The following PADI4 variants were observed in gnomAD, a reference collection of about 807,000 sequenced individuals.
The protein encoded by PADI4 is peptidyl arginine deiminase 4, also known as protein-arginine deiminase type-4.
Under a neutral mutation model 75.0 loss-of-function variants are expected in PADI4, and 62 were observed. That is an observed-to-expected ratio of 0.83 (90% CI 0.67 to 1.02). The LOEUF is 1.02. PADI4 is among the 50% of genes least tolerant of loss of function. PADI4 has a pLI of 0.00. For synonymous variants in PADI4, 361 were observed against 348.1 expected, an observed-to-expected ratio of 1.04 and a Z score of -0.41; for missense variants, 845 against 850.5, an observed-to-expected ratio of 0.99 and a Z score of 0.08.
rs1748033 is a variant in PADI4, at chr1:17,336,167, T to G, written c.349T>G (p.Leu117Val). ...LLYLTGVEIS[L>V]CADITRTGKV... is the part of the protein sequence containing the mutation. ...ACTTGATGGGATTTCAGAAATCTCCTTGTGCGCAGACATCACCCGCACCGG... is the reference window on the plus strand; with the variant it reads ...ACTTGATGGGATTTCAGAAATCTCCGTGTGCGCAGACATCACCCGCACCGG... The change falls in exon 4 of 16, where the codon TTG becomes GTG. Residue 117 changes from leucine to valine, a missense_variant. By Grantham distance (32) the Leu-to-Val change is conservative. Transcript: ENST00000375448. 6.2e-7 allele frequency: 1 copy of G among 1,611,452 alleles called. No individual in the cohort carries two copies. Among genetic ancestry groups the G allele is most frequent in the South Asian group, 1.1e-5 (1 of 91,044 alleles).
At chr1:17,360,585 C>T (rs775157497) in intron 15 of PADI4, among the ~76,000 whole-genome samples, 1 of 152,190 alleles carries the variant, frequency 6.6e-6, no homozygotes, top group Non-Finnish European at 1.5e-5. Context: ...CACAACAATT[C>T]CAGAAGTCAG....
At position 17,359,320 on chromosome 1, in the gene PADI4, TG is replaced by T. The variant is rs1288708773; in HGVS notation, c.1673del (p.Gly558AlafsTer30). 11 of 1,602,052 alleles carry T rather than the reference TG, an allele frequency of 6.9e-6. No individual in the cohort carries two copies. Among genetic ancestry groups the T allele is most frequent in the Non-Finnish European group, 8.5e-6 (10 of 1,173,194 alleles). On this transcript the variant is annotated frameshift_variant, in exon 15 of 16. Transcript: ENST00000375448. LOFTEE classifies it high-confidence loss of function. ...AACCGCGAGCTGCTGAAGCGGGAGC[TG>T]GGCCTGGCCGAGAGTGACATCATTG... ...DWNRELLKRELGLAESDIIDI... is the reference protein window; with the variant it reads ...DWNRELLKREXGLAESDIIDI...
At chr1:17,332,095 T>G (rs1182328379) in intron 2 of PADI4, among the ~76,000 whole-genome samples, 1 of 152,132 alleles carries the variant, frequency 6.6e-6, no homozygotes, top group Non-Finnish European at 1.5e-5. Flanking sequence ...GTCAGCAGTC[T>G]GATCTGTGGC....
chr1:17,341,469 A>T (rs1028892542), intron 6 of PADI4, among the ~76,000 whole-genome samples: 1 of 152,174 alleles, frequency 6.6e-6, no homozygotes, highest in Non-Finnish European at 1.5e-5. Context: ...CCACCCAGGC[A>T]TCACCTCCTC....
intron 1 of PADI4, among the ~76,000 whole-genome samples, chr1:17,318,932 C>T (rs1266092047): frequency 6.6e-6 from 1 of 152,108 alleles, no homozygotes; most frequent in Non-Finnish European, 1.5e-5. Flanking sequence ...TTGTGATCCA[C>T]CCGCCTCGGC....
rs2074758125 is a variant in PADI4, at chr1:17,356,258, T to G, written c.1456-99T>G. ...ATGGCAGTAGAGGAGGTGGCCAGCT[T>G]GGGTCCAAGTCCACACTACTCCCAC... On this transcript the variant is annotated intron_variant, in intron 12 of 15. Coordinates refer to ENST00000375448, the MANE Select transcript of PADI4 (RefSeq NM_012387.3). This position sits in a 1 kb window ranked among gnomAD's most constrained non-coding sequence, Gnocchi z 4.1. 1 of 1,292,490 alleles carries G rather than the reference T, an allele frequency of 7.7e-7. No individual in the cohort carries two copies. Among genetic ancestry groups the G allele is most frequent in the Admixed American group, 2.2e-5 (1 of 45,178 alleles). The allele number at this position is 1,292,490 out of a possible 1,614,324, so 80.1% of individuals were successfully genotyped here. A position where few individuals can be genotyped will look rare whatever the true frequency, so the allele number is the denominator to read the frequency against.
At chr1:17,338,502 G>C (rs1182930632) in intron 5 of PADI4, among the ~76,000 whole-genome samples, 1 of 152,284 alleles carries the variant, frequency 6.6e-6, no homozygotes, top group Non-Finnish European at 1.5e-5. Context: ...ACTCATATCA[G>C]AGCAGGCCCT....
intron 3 of PADI4, chr1:17,334,250 T>G: frequency 1.9e-6 from 1 of 518,946 alleles, no homozygotes; most frequent in Non-Finnish European, 3.6e-6. Flanking sequence ...ATCTTAACAT[T>G]TTGCTTCTCA....
Position 17,348,021 on chromosome 1 carries a change from G to A in PADI4, c.1128G>A (p.Leu376=). ...VVFDSPRNRG[L]KEFPIKRVMG... The stretch of plus-strand genomic sequence containing the variant: ...TCGACTCTCCAAGGAACAGAGGCCT[G>A]AAGGAGTTTCCCATCAAACGCGTGA... The change falls in exon 10 of 16, where the codon CTG becomes CTA. Residue 376 remains leucine, a synonymous_variant. Transcript: ENST00000375448. 1 of 1,612,636 alleles carries A rather than the reference G, an allele frequency of 6.2e-7. No homozygotes were observed.
At chr1:17,351,950 G>GGCA (rs2074638048) in intron 10 of PADI4, among the ~76,000 whole-genome samples, 1 of 141,326 alleles carries the variant, frequency 7.1e-6, no homozygotes, top group African/African-American at 2.9e-5. Context: ...GGTGATGGGA[G>GGCA]GTGGGAGGAG....
At chr1:17,334,529 C>G in intron 3 of PADI4, 1 of 451,918 alleles carries the variant, frequency 2.2e-6, no homozygotes, top group Non-Finnish European at 4.5e-6. Flanking sequence ...TCTCGAACTT[C>G]TGACCTCAGG....
chr1:17,319,543 A>T (rs1189665128), intron 1 of PADI4, among the ~76,000 whole-genome samples: 1 of 152,188 alleles, frequency 6.6e-6, no homozygotes, highest in African/African-American at 2.4e-5. Context: ...AGAGAGAGAC[A>T]TTCAAAGACA....
At chr1:17,342,576 C>T (rs2074442970) in intron 8 of PADI4, among the ~76,000 whole-genome samples, 174 bp downstream of exon 8, 1 of 152,192 alleles carries the variant, frequency 6.6e-6, no homozygotes, top group Non-Finnish European at 1.5e-5. Context: ...TTGTCATTGC[C>T]TCTGTCCTGC....
chr1:17,353,284 C>T (rs893372935), intron 10 of PADI4, among the ~76,000 whole-genome samples: 1 of 152,008 alleles, frequency 6.6e-6, no homozygotes, highest in Non-Finnish European at 1.5e-5. Flanking sequence ...CATAGTGAGA[C>T]CCCATCTCTA....
At chr1:17,313,697 C>T (rs2073885680) in intron 1 of PADI4, among the ~76,000 whole-genome samples, 1 of 151,994 alleles carries the variant, frequency 6.6e-6, no homozygotes, top group Admixed American at 6.6e-5. Flanking sequence ...GAGTGGCAGA[C>T]ACTGAATGCC....
Position 17,358,533 on chromosome 1 carries a change from A to C in PADI4, c.1559-305A>C, listed in dbSNP as rs1476530764. Among the ~76,000 whole-genome samples, 2 of 40,462 alleles carry C rather than the reference A, an allele frequency of 4.9e-5. 1 individual carries two copies. Among genetic ancestry groups the C allele is most frequent in the Non-Finnish European group, 8.9e-5 (2 of 22,438 alleles). The allele number at this position is 40,462 out of a possible 152,430, so 26.5% of individuals were successfully genotyped here. ...CAGTGAGCCGAGATTGCGCCACTGC[A>C]CTCCAGCCTGGACGACAGCGAGACT... On this transcript the variant is annotated intron_variant, in intron 13 of 15. Coordinates refer to ENST00000375448, the MANE Select transcript of PADI4 (RefSeq NM_012387.3).
chr1:17,336,054 G>C, intron 3 of PADI4, 105 bp from the exon 4 acceptor site: 1 of 745,986 alleles, frequency 1.3e-6, no homozygotes. Flanking sequence ...TCACACTATG[G>C]GTGCACACAG....
rs573625006 is a variant in PADI4 at position 17,330,579 on chromosome 1, C to T, written c.93-390C>T. On this transcript the variant is annotated intron_variant, in intron 1 of 15. Coordinates refer to ENST00000375448, the MANE Select transcript of PADI4 (RefSeq NM_012387.3). Reference sequence around the variant, plus strand: ...AAGCCACTGGAGCAAGTCCCAGAGTCGAAAAGCCAATGAACCTGGAGTCTA... The same window carrying T: ...AAGCCACTGGAGCAAGTCCCAGAGTTGAAAAGCCAATGAACCTGGAGTCTA... 3.5e-4 allele frequency among the ~76,000 whole-genome samples: 53 copies of T among 152,148 alleles called. 2 individuals are homozygous for T. The highest frequency in any genetic ancestry group is 3.3e-3 in the Admixed American group (50 of 15,282).
intron 11 of PADI4, among the ~76,000 whole-genome samples, chr1:17,355,464 G>A (rs1031391782): frequency 3.3e-5 from 5 of 151,836 alleles, no homozygotes; most frequent in African/African-American, 4.8e-5. Context: ...CAAGAGAATC[G>A]CTTGATCCCG....
Sources: gnomAD v4.1 joint callset for allele counts (sites outside exome capture counted in the v4.1 genomes callset) on GRCh38, gnomAD v4.1.1 for gene constraint, Gnocchi (gnomAD v3.1) non-coding constraint, MANE v1.5 for transcripts, NCBI Gene and HGNC (gene_info 2026-07-23, HGNC 2026-07-21) for gene names.